OXR1: variants seen among roughly 807,000 people sequenced by gnomAD.
The protein encoded by OXR1 is oxidation resistance 1, also known as oxidation resistance protein 1.
Under a neutral mutation model 104.6 loss-of-function variants are expected in OXR1, and 41 were observed. The observed-to-expected ratio is 0.39, with a 90% CI of 0.31 to 0.51. The LOEUF (loss-of-function observed/expected upper bound fraction) is 0.51. Among genes scored for constraint, OXR1 ranks in the 20% least tolerant of loss-of-function variants. OXR1 has a pLI of 0.77. For missense variants in OXR1, 955 were observed against 1,031.9 expected (o/e 0.93, Z 1.02); for synonymous variants, 348 against 348.4 (o/e 1.00, Z 0.01).
intron 1 of OXR1, among the ~76,000 whole-genome samples, chr8:106,303,058 C>G (rs1813319038): frequency 6.6e-6 from 1 of 151,258 alleles, no homozygotes; most frequent in African/African-American, 2.4e-5. Flanking sequence ...TGGCCGCAAA[C>G]CTGTTTTTTT....
intron 3 of OXR1, among the ~76,000 whole-genome samples, chr8:106,539,799 TAGCGCTG>T (rs1383114053): frequency 6.6e-6 from 1 of 152,194 alleles, no homozygotes; most frequent in Non-Finnish European, 1.5e-5. Flanking sequence ...CAGTGGTCCC[TAGCGCTG>T]AGCCAAAGGG....
intron 1 of OXR1, among the ~76,000 whole-genome samples, chr8:106,345,626 T>C (rs915956278): frequency 6.6e-6 from 1 of 152,160 alleles, no homozygotes; most frequent in Non-Finnish European, 1.5e-5. Context: ...AGTTGGTGAG[T>C]ACAAGAGGTC....
intron 10 of OXR1, among the ~76,000 whole-genome samples, chr8:106,712,555 C>T (rs761312277): frequency 2.6e-5 from 4 of 152,030 alleles, no homozygotes; most frequent in African/African-American, 7.2e-5. Flanking sequence ...ATTGGAGATA[C>T]GCGAATTGAT....
chr8:106,355,345 G>A (rs1815918074), intron 1 of OXR1, among the ~76,000 whole-genome samples: 1 of 152,020 alleles, frequency 6.6e-6, no homozygotes, highest in South Asian at 2.1e-4. Flanking sequence ...AAACTTATGT[G>A]AAGATTTTAA....
intron 2 of OXR1, among the ~76,000 whole-genome samples, chr8:106,477,468 C>G (rs1821869983): frequency 6.6e-6 from 1 of 151,870 alleles, no homozygotes; most frequent in East Asian, 1.9e-4. Flanking sequence ...TGTTTGTTTA[C>G]TTTTCTCTAG....
chr8:106,706,779 G>A lies in OXR1; in HGVS notation c.1258G>A (p.Ala420Thr). ...AACTGATTTAAATAATCTTGAAATG[G>A]CCATTAAGGAAGATCAGATTGCAGA... ...HKTDLNNLEMAIKEDQIADNF... is the reference protein window; with the variant it reads ...HKTDLNNLEMTIKEDQIADNF... Residue 420 changes from alanine to threonine, a missense_variant, in exon 9 of 17, where the codon GCC becomes ACC. Around this residue, in one of 2 missense-constraint regions of OXR1, gnomAD observed 849 missense variants for 852.9 expected, o/e 1.00. Coordinates refer to ENST00000517566, the MANE Select transcript of OXR1 (RefSeq NM_001198533.2). 3 of 1,612,508 alleles carry A rather than the reference G, an allele frequency of 1.9e-6. No homozygotes were observed. The South Asian group carries it at 3.3e-5, about 18-fold the overall frequency.
At chr8:106,410,124 C>T (rs560555132) in intron 2 of OXR1, among the ~76,000 whole-genome samples, 56 of 152,090 alleles carry the variant, frequency 3.7e-4, no homozygotes, top group Non-Finnish European at 6.8e-4. Context: ...AAGGCCAAAA[C>T]AAATTTGAGT....
intron 6 of OXR1, among the ~76,000 whole-genome samples, chr8:106,687,893 C>T (rs746541913): frequency 6.6e-6 from 1 of 151,988 alleles, no homozygotes; most frequent in Non-Finnish European, 1.5e-5. Context: ...GGTTCGGAGC[C>T]CATATTTTTT....
At chr8:106,593,561 G>A (rs1192032427) in intron 3 of OXR1, among the ~76,000 whole-genome samples, 1 of 152,200 alleles carries the variant, frequency 6.6e-6, no homozygotes, top group Non-Finnish European at 1.5e-5. Context: ...GGCGGATCAT[G>A]AGGTCAGGAG....
chr8:106,646,047 A>T (rs1824049792), intron 3 of OXR1, among the ~76,000 whole-genome samples: 1 of 152,124 alleles, frequency 6.6e-6, no homozygotes, highest in South Asian at 2.1e-4. Context: ...TGTGCTGGCA[A>T]CAGATTTAGG....
At chr8:106,619,220 G>T (rs920594865) in intron 3 of OXR1, among the ~76,000 whole-genome samples, 1 of 152,130 alleles carries the variant, frequency 6.6e-6, no homozygotes, top group South Asian at 2.1e-4. Context: ...TAATGATGTT[G>T]CAGGACATTA....
chr8:106,716,280 T>C (rs981314536), intron 11 of OXR1, among the ~76,000 whole-genome samples: 1 of 152,132 alleles, frequency 6.6e-6, no homozygotes, highest in African/African-American at 2.4e-5. Context: ...CATGTAACCA[T>C]TGAGCATTTA....
At chr8:106,559,322 T>A (rs1244936161) in intron 3 of OXR1, among the ~76,000 whole-genome samples, 1 of 152,216 alleles carries the variant, frequency 6.6e-6, no homozygotes, top group Non-Finnish European at 1.5e-5. Context: ...GTCACACAGG[T>A]AATCTCTAAG....
intron 15 of OXR1, among the ~76,000 whole-genome samples, chr8:106,745,401 CA>C (rs1191580377): frequency 6.6e-6 from 1 of 152,074 alleles, no homozygotes; most frequent in Non-Finnish European, 1.5e-5. Flanking sequence ...AAATATTATC[CA>C]ATTAACATAC....
At chr8:106,322,285 TA>T (rs913706283) in intron 1 of OXR1, among the ~76,000 whole-genome samples, 19 of 152,138 alleles carry the variant, frequency 1.2e-4, no homozygotes, top group Admixed American at 9.2e-4. Context: ...TAAATCGAAC[TA>T]AAAACAAAAA....
chr8:106,387,435 A>G (rs1044937399), intron 2 of OXR1, among the ~76,000 whole-genome samples: 1 of 152,182 alleles, frequency 6.6e-6, no homozygotes, highest in Non-Finnish European at 1.5e-5. Flanking sequence ...CACTAGGAGA[A>G]ACCTCATGCT....
At chr8:106,718,695 C>T (rs1431511704) in intron 11 of OXR1, among the ~76,000 whole-genome samples, 1 of 151,898 alleles carries the variant, frequency 6.6e-6, no homozygotes, top group Non-Finnish European at 1.5e-5. Context: ...AAAAATTAGC[C>T]GGGCGTGGTG....
chr8:106,658,206 C>T (rs1825347226), intron 3 of OXR1: 2 of 1,234,954 alleles, frequency 1.6e-6, no homozygotes, highest in Non-Finnish European at 2.0e-6. Context: ...CTTTCTTTCG[C>T]CTCCCGCGCG....
intron 3 of OXR1, among the ~76,000 whole-genome samples, chr8:106,550,777 T>A (rs574636897): frequency 6.8e-4 from 103 of 152,306 alleles, no homozygotes; most frequent in African/African-American, 2.2e-3. Flanking sequence ...TGTGAGTCAA[T>A]TAAACTTCTT....
Sources: allele counts gnomAD v4.1 joint callset (sites outside exome capture counted in the v4.1 genomes callset), GRCh38; gene constraint gnomAD v4.1.1; regional missense constraint gnomAD v4.1.1; transcripts MANE v1.5; gene names NCBI Gene and HGNC (gene_info 2026-07-23, HGNC 2026-07-21).